CTNND2: variants seen among roughly 807,000 people sequenced by gnomAD.
The protein encoded by CTNND2 is catenin delta-2.
In CTNND2, 22 loss-of-function variants were observed where a neutral mutation model predicts 144.4. The observed-to-expected ratio is 0.15, with a 90% CI of 0.11 to 0.22. CTNND2 has a LOEUF of 0.22. Among genes scored for constraint, CTNND2 ranks in the 10% least tolerant of loss-of-function variants. CTNND2 has a pLI of 1.00. For synonymous variants in CTNND2, 751 were observed against 695.6 expected (o/e 1.08, Z -1.25); for missense variants, 1,353 against 1,618.8 (o/e 0.84, Z 2.82).
chr5:11,588,973 G>A (rs940637010), intron 2 of CTNND2: 2 of 985,178 alleles, frequency 2.0e-6, no homozygotes, highest in South Asian at 9.4e-5. Flanking sequence ...AAAAAGTCAG[G>A]ACGCTGAATT....
intron 9 of CTNND2, among the ~76,000 whole-genome samples, chr5:11,269,011 G>T (rs898734715): frequency 6.6e-6 from 1 of 152,108 alleles, no homozygotes; most frequent in Non-Finnish European, 1.5e-5. Flanking sequence ...TCCTTTTACC[G>T]AAACTTTTCC....
At chr5:11,432,286 A>C (rs2149876265) in intron 3 of CTNND2, among the ~76,000 whole-genome samples, 1 of 150,520 alleles carries the variant, frequency 6.6e-6, no homozygotes, top group African/African-American at 2.5e-5. Context: ...GGCTGAAAAA[A>C]AAAAAAGAGA....
intron 7 of CTNND2, among the ~76,000 whole-genome samples, chr5:11,375,036 T>C (rs192916590): frequency 6.6e-6 from 1 of 152,264 alleles, no homozygotes. Flanking sequence ...GTAAATGGGT[T>C]CAAATATTTT....
intron 16 of CTNND2, among the ~76,000 whole-genome samples, chr5:11,038,896 C>T (rs1457837313): frequency 3.3e-5 from 5 of 152,130 alleles, no homozygotes; most frequent in South Asian, 2.1e-4. Flanking sequence ...AATAGGAAAA[C>T]TGCTAACCAA....
chr5:11,477,711 C>T (rs1395930315), intron 3 of CTNND2, among the ~76,000 whole-genome samples: 1 of 152,166 alleles, frequency 6.6e-6, no homozygotes, highest in Non-Finnish European at 1.5e-5. Context: ...CTCGGCCCAC[C>T]TTGCCCATCT....
intron 1 of CTNND2, among the ~76,000 whole-genome samples, chr5:11,855,269 T>C (rs914590033): frequency 6.6e-6 from 1 of 152,206 alleles, no homozygotes; most frequent in Non-Finnish European, 1.5e-5. Flanking sequence ...TGTGGGCTCC[T>C]GAGCCAGACT....
intron 1 of CTNND2, among the ~76,000 whole-genome samples, chr5:11,779,819 A>T (rs111882140): frequency 3.3e-4 from 50 of 152,308 alleles, no homozygotes; most frequent in African/African-American, 1.2e-3. Context: ...TTAGTCACTG[A>T]AACAGTATCA....
At chr5:11,559,385 T>G (rs1776506727) in intron 3 of CTNND2, among the ~76,000 whole-genome samples, 1 of 152,196 alleles carries the variant, frequency 6.6e-6, no homozygotes, top group Admixed American at 6.5e-5. Flanking sequence ...AGACAATAAA[T>G]GTTTCCACTG....
intron 11 of CTNND2, among the ~76,000 whole-genome samples, chr5:11,188,971 C>A (rs1406922326): frequency 1.3e-5 from 2 of 152,186 alleles, no homozygotes; most frequent in African/African-American, 4.8e-5. Context: ...TTGTCACATG[C>A]TGAAATTACA....
chr5:11,400,897 T>C (rs960347169), intron 5 of CTNND2, among the ~76,000 whole-genome samples: 1 of 152,226 alleles, frequency 6.6e-6, no homozygotes, highest in Non-Finnish European at 1.5e-5. Flanking sequence ...AGTCCAAAAG[T>C]TGTTGTTGTT....
chr5:11,405,903 CTT>C (rs946442768), intron 5 of CTNND2, among the ~76,000 whole-genome samples: 3 of 152,170 alleles, frequency 2.0e-5, no homozygotes, highest in Admixed American at 6.5e-5. Context: ...CCTCCCAGCA[CTT>C]TGGGAGGCCA....
intron 16 of CTNND2, among the ~76,000 whole-genome samples, chr5:11,031,631 T>C (rs1371938503): frequency 6.6e-6 from 1 of 152,070 alleles, no homozygotes; most frequent in East Asian, 1.9e-4. Context: ...CAGGGGAGAT[T>C]AACATTTGAG....
chr5:11,250,491 C>CTCTATATATATA (rs869141186), intron 9 of CTNND2, among the ~76,000 whole-genome samples: 57 of 64,098 alleles, frequency 8.9e-4, no homozygotes, highest in African/African-American at 4.0e-3. Context: ...CTCTCTCTCT[C>CTCTATATATATA]TATATATATA....
At chr5:11,333,864 C>T (rs1245676575) in intron 9 of CTNND2, among the ~76,000 whole-genome samples, 4 of 152,260 alleles carry the variant, frequency 2.6e-5, no homozygotes, top group South Asian at 4.2e-4. Flanking sequence ...ACACTGCCAC[C>T]CCTATGGCAT....
At chr5:11,408,140 C>T (rs1761236962) in intron 5 of CTNND2, among the ~76,000 whole-genome samples, 1 of 152,120 alleles carries the variant, frequency 6.6e-6, no homozygotes, top group Admixed American at 6.6e-5. Context: ...CTGAATACCA[C>T]AACATGCGCT....
At chr5:11,254,292 C>A (rs1234625286) in intron 9 of CTNND2, among the ~76,000 whole-genome samples, 1 of 152,172 alleles carries the variant, frequency 6.6e-6, no homozygotes, top group Admixed American at 6.5e-5. Context: ...TCCCTGAATA[C>A]ATACCCTCTG....
At chr5:11,460,922 G>A (rs183926809) in intron 3 of CTNND2, among the ~76,000 whole-genome samples, 9 of 152,066 alleles carry the variant, frequency 5.9e-5, no homozygotes, top group Admixed American at 3.3e-4. Flanking sequence ...GGTGGCATGC[G>A]TCTGTAATCC....
chr5:11,904,218 C>G lies in CTNND2; in HGVS notation c.-365G>C, dbSNP rs920053515. ...CCCGCAGCTCCGCTCAGCCGGCTGT[C>G]GCCGCGGGCGCGAGCCTGGGGCCGC... is the stretch of plus-strand genomic sequence containing the variant. On this transcript the variant is annotated 5_prime_UTR_variant, in exon 1 of 22. Coordinates refer to ENST00000304623, the MANE Select transcript of CTNND2 (RefSeq NM_001332.4). This position sits in a 1 kb window ranked among gnomAD's most constrained non-coding sequence, Gnocchi z 4.2. Among the ~76,000 whole-genome samples, 3 of 145,316 alleles carry G rather than the reference C, an allele frequency of 2.1e-5. No homozygotes were observed. Among genetic ancestry groups the G allele is most frequent in the Non-Finnish European group, 3.1e-5 (2 of 65,500 alleles).
In CTNND2 at chr5:11,384,906, G is replaced by A; in HGVS notation, c.936C>T (p.Ser312=). 1 of 1,608,978 alleles carries A rather than the reference G, an allele frequency of 6.2e-7. No homozygotes were observed. The highest frequency in any genetic ancestry group is 8.5e-7 in the Non-Finnish European group (1 of 1,178,534). ...QSPSRLAKSY[S]TSSPINIVVS... is the part of the protein sequence containing the mutation. The stretch of plus-strand genomic sequence containing the variant: ...CGACGATGTTGATGGGCGAGCTGGT[G>A]CTGTAGGACTTGGCCAGGCGGCTGG... The change falls in exon 7 of 22, where the codon AGC becomes AGT. Residue 312 remains serine, a synonymous_variant. Transcript: ENST00000304623. This position sits in a 1 kb window ranked among gnomAD's most constrained non-coding sequence, Gnocchi z 5.2.
Sources: gnomAD v4.1 joint callset for allele counts (sites outside exome capture counted in the v4.1 genomes callset) on GRCh38, gnomAD v4.1.1 for gene constraint, Gnocchi (gnomAD v3.1) non-coding constraint, MANE v1.5 for transcripts, NCBI Gene and HGNC (gene_info 2026-07-23, HGNC 2026-07-21) for gene names.